Variants in SDK2 observed in about 807,000 individuals in gnomAD.
SDK2 encodes protein sidekick-2.
Under a neutral mutation model 253.9 loss-of-function variants are expected in SDK2, and 105 were observed. The observed-to-expected ratio is 0.41, with a 90% CI of 0.35 to 0.49. The LOEUF is 0.49. Ranked by LOEUF, SDK2 falls within the 20% of genes least tolerant of loss-of-function variation. SDK2 has a pLI of 0.06. For synonymous variants in SDK2, 1,249 were observed against 1,234.9 expected, an observed-to-expected ratio of 1.01 and a Z score of -0.24; for missense variants, 2,608 against 3,003.0, an observed-to-expected ratio of 0.87 and a Z score of 3.07.
intron 1 of SDK2, among the ~76,000 whole-genome samples, chr17:73,574,454 C>T (rs2045430524): frequency 1.3e-5 from 2 of 152,358 alleles, no homozygotes; most frequent in African/African-American, 2.4e-5. Context: ...CACACATGCA[C>T]ACATACACGC....
rs764375227 is a variant in SDK2 at position 73,365,361 on chromosome 17, C to T, written c.5202G>A (p.Glu1734=). 8.1e-6 allele frequency: 13 copies of T among 1,612,024 alleles called. No homozygotes were observed. In the South Asian group the frequency reaches 1.4e-4, roughly 18 times the overall value. Residue 1734 remains glutamate, a synonymous_variant, in exon 38 of 45, where the codon GAG becomes GAA. Transcript: ENST00000392650. ...PSAPSSVKFS[E]LTTTSVNVSW... ...ACACATTCACTGAGGTTGTGGTCAG[C>T]TCACTGAACTTGACCGAGCTGGGAG...
chr17:73,520,665 AG>A (rs2064071393), intron 1 of SDK2: 1 of 152,280 alleles, frequency 6.6e-6, no homozygotes, highest in Non-Finnish European at 1.5e-5. Flanking sequence ...AGCCCCAAGG[AG>A]GGAGGTAAAC....
intron 1 of SDK2, among the ~76,000 whole-genome samples, chr17:73,523,762 C>A (rs901103219): frequency 4.6e-5 from 7 of 151,788 alleles, no homozygotes; most frequent in Non-Finnish European, 1.0e-4. Context: ...TGGAACCACC[C>A]CCTCACCTGC....
At chr17:73,526,378 G>A (rs2064125892) in intron 1 of SDK2, among the ~76,000 whole-genome samples, 1 of 152,346 alleles carries the variant, frequency 6.6e-6, no homozygotes, top group East Asian at 1.9e-4. Flanking sequence ...CCTTGGGCCA[G>A]TCAGGTAACT....
At position 73,348,748 on chromosome 17, in the gene SDK2, G is replaced by A. The variant is rs1267129975; in HGVS notation, c.6039-23C>T. ...GACCTGGAGAGAGCGGGGGAGTGGGGCCGAGAGGTGCACTCACTCAGAGCG... is the reference window on the plus strand; with the variant it reads ...GACCTGGAGAGAGCGGGGGAGTGGGACCGAGAGGTGCACTCACTCAGAGCG... On this transcript the variant is annotated intron_variant, in intron 43 of 44. Coordinates refer to ENST00000392650, the MANE Select transcript of SDK2 (RefSeq NM_001144952.2). 4 of 1,596,610 alleles carry A rather than the reference G, an allele frequency of 2.5e-6. No individual in the cohort carries two copies. The Admixed American group carries it at 6.7e-5, about 27-fold the overall frequency.
Position 73,415,836 on chromosome 17 carries a change from T to C in SDK2, c.2343A>G (p.Lys781=). ...CTCCCTGCAGCGTCCACTCGGTGAC[T>C]TTACTGCTGTAGACCCCCAGCCCAG... ...NSAGLGVYSS[K]VTEWTLQGVP... Residue 781 remains lysine, a synonymous_variant, in exon 17 of 45, where the codon AAA becomes AAG. Coordinates refer to ENST00000392650, the MANE Select transcript of SDK2 (RefSeq NM_001144952.2). 1 of 1,555,690 alleles carries C rather than the reference T, an allele frequency of 6.4e-7. No individual in the cohort carries two copies. The highest frequency in any genetic ancestry group is 8.7e-7 in the Non-Finnish European group (1 of 1,149,298).
At chr17:73,545,284 G>GCCGAC (rs1471750610) in intron 1 of SDK2, among the ~76,000 whole-genome samples, 2 of 152,106 alleles carry the variant, frequency 1.3e-5, no homozygotes, top group African/African-American at 4.8e-5. Context: ...TTCCCCAGCT[G>GCCGAC]CCGAGCCTGC....
At chr17:73,537,182 T>C (rs539753287) in intron 1 of SDK2, among the ~76,000 whole-genome samples, 3 of 152,360 alleles carry the variant, frequency 2.0e-5, no homozygotes, top group African/African-American at 7.2e-5. Context: ...TATTAATCCC[T>C]TTCTATGCAA....
chr17:73,589,246 G>C (rs2045648964), intron 1 of SDK2, among the ~76,000 whole-genome samples: 1 of 152,280 alleles, frequency 6.6e-6, no homozygotes, highest in Non-Finnish European at 1.5e-5. Flanking sequence ...GAATGCACGT[G>C]AGTGCAGGTG....
At chr17:73,615,568 G>A (rs145822755) in intron 1 of SDK2, among the ~76,000 whole-genome samples, 8 of 152,162 alleles carry the variant, frequency 5.3e-5, no homozygotes, top group Non-Finnish European at 7.4e-5. Context: ...CCCAAGCCCC[G>A]TCCCTCCCTC....
At chr17:73,641,562 T>G (rs1490768825) in intron 1 of SDK2, among the ~76,000 whole-genome samples, 1 of 152,124 alleles carries the variant, frequency 6.6e-6, no homozygotes, top group East Asian at 1.9e-4. Flanking sequence ...ACCCAGGTGA[T>G]GTCGCTCAGG....
At chr17:73,553,974 G>A (rs2045104462) in intron 1 of SDK2, among the ~76,000 whole-genome samples, 1 of 152,180 alleles carries the variant, frequency 6.6e-6, no homozygotes, top group Non-Finnish European at 1.5e-5. Flanking sequence ...GAGAGGACAG[G>A]AGCATGGAGG....
At chr17:73,516,877 A>AG (rs1240313174) in intron 1 of SDK2, 2 of 152,216 alleles carry the variant, frequency 1.3e-5, no homozygotes, top group Non-Finnish European at 2.9e-5. Flanking sequence ...TAATCTGATT[A>AG]GGGGGGCACT....
chr17:73,504,745 A>T (rs2063921932), intron 2 of SDK2, among the ~76,000 whole-genome samples: 1 of 152,142 alleles, frequency 6.6e-6, no homozygotes, highest in Non-Finnish European at 1.5e-5. Context: ...AAAAGGGGAA[A>T]TATTCCCGTG....
At position 73,427,809 on chromosome 17, in the gene SDK2, C is replaced by T. The variant is rs190796475; in HGVS notation, c.1583+2702G>A. Among the ~76,000 whole-genome samples the T allele has an allele frequency of 1.3e-3, 191 of 152,158 alleles. 1 individual carries two copies. Among genetic ancestry groups the T allele is most frequent in the African/African-American group, 4.3e-3 (178 of 41,522 alleles). ...GGGTTTGGCAATGACTTTTTAAATA[C>T]GACACCCAAGGCACAATCCATGAAA... On this transcript the variant is annotated intron_variant, in intron 12 of 44. Coordinates refer to ENST00000392650, the MANE Select transcript of SDK2 (RefSeq NM_001144952.2).
chr17:73,558,013 G>T (rs1435629818), intron 1 of SDK2, among the ~76,000 whole-genome samples: 1 of 152,172 alleles, frequency 6.6e-6, no homozygotes, highest in African/African-American at 2.4e-5. Flanking sequence ...CTTGTTCTAG[G>T]ACCCTCCTCA....
rs1271868002 is a variant in SDK2, at chr17:73,415,829, C to T, written c.2350G>A (p.Glu784Lys). The change falls in exon 17 of 45, where the codon GAG becomes AAG. Residue 784 changes from glutamate (E) to lysine (K), a missense_variant. Around this residue, in one of 2 missense-constraint regions of SDK2, gnomAD observed 1,505 missense variants for 1,859.1 expected, o/e 0.81. Transcript: ENST00000392650. ...TACCTACCTCCCTGCAGCGTCCACT[C>T]GGTGACTTTACTGCTGTAGACCCCC... ...GLGVYSSKVT[E>K]WTLQGVPTVP... 3.2e-6 allele frequency: 5 copies of T among 1,553,942 alleles called. No homozygotes were observed. Among genetic ancestry groups the T allele is most frequent in the Admixed American group, 2.0e-5 (1 of 51,082 alleles).
intron 2 of SDK2, among the ~76,000 whole-genome samples, chr17:73,486,610 TAAA>T (rs34896987): frequency 4.1e-5 from 4 of 96,454 alleles, no homozygotes; most frequent in African/African-American, 1.6e-4. Context: ...ACTCTGCTTC[TAAA>T]AAAAAAAAAA....
chr17:73,558,826 A>G (rs767853001), intron 1 of SDK2, among the ~76,000 whole-genome samples: 35 of 152,090 alleles, frequency 2.3e-4, no homozygotes, highest in Admixed American at 1.2e-3. Context: ...CTCCCCCTAG[A>G]TAGGAGCTCT....
Sources: gnomAD v4.1 joint callset for allele counts (sites outside exome capture counted in the v4.1 genomes callset) on GRCh38, gnomAD v4.1.1 for gene constraint, gnomAD v4.1.1 regional missense constraint, MANE v1.5 for transcripts, NCBI Gene and HGNC (gene_info 2026-07-23, HGNC 2026-07-21) for gene names.